Variants in LMBR1 observed in about 807,000 individuals in gnomAD.
The protein encoded by LMBR1 is limb development membrane protein 1, also known as limb region 1 protein homolog.
A neutral mutation model predicts 73.9 loss-of-function variants in LMBR1; 52 were observed. That is an observed-to-expected ratio of 0.70 (90% CI 0.56 to 0.89). LMBR1 has a LOEUF of 0.89. Among genes scored for constraint, LMBR1 ranks in the 40% least tolerant of loss-of-function variants. The pLI, the probability that LMBR1 is intolerant of heterozygous loss-of-function variation, is 0.00. For synonymous variants in LMBR1, 215 were observed against 209.4 expected (o/e 1.03, Z -0.23); for missense variants, 539 against 579.8 (o/e 0.93, Z 0.72).
chr7:156,790,562 G>T (rs1423067048), intron 5 of LMBR1, among the ~76,000 whole-genome samples: 1 of 151,902 alleles, frequency 6.6e-6, no homozygotes, highest in East Asian at 1.9e-4. Flanking sequence ...AGGCAAAGAT[G>T]AACATACTAT....
At chr7:156,771,883 C>T (rs1287364356) in intron 5 of LMBR1, among the ~76,000 whole-genome samples, 1 of 152,176 alleles carries the variant, frequency 6.6e-6, no homozygotes, top group African/African-American at 2.4e-5. Context: ...AAAGCTAATC[C>T]ACCATGATCA....
chr7:156,713,985 T>G (rs1812653978), intron 15 of LMBR1, among the ~76,000 whole-genome samples: 1 of 152,250 alleles, frequency 6.6e-6, no homozygotes, highest in African/African-American at 2.4e-5. Flanking sequence ...CTACAGAAGC[T>G]ACAAAGTAAG....
At chr7:156,811,340 G>A (rs1455808654) in intron 4 of LMBR1, among the ~76,000 whole-genome samples, 4 of 151,800 alleles carry the variant, frequency 2.6e-5, no homozygotes, top group Admixed American at 6.6e-5. Context: ...GGCCAGGCGC[G>A]GTGGCTCACG....
chr7:156,727,942 T>G lies in LMBR1; in HGVS notation c.981A>C (p.Pro327=). ...GATTTTACTTTACCCTTGTTCCTTTTGGCATTGCTGTTTCATCAACCAATA... is the reference window on the plus strand; with the variant it reads ...GATTTTACTTTACCCTTGTTCCTTTGGGCATTGCTGTTTCATCAACCAATA... ...LCLLVDETAM[P]KGTRGPGIGN... Residue 327 remains proline, a synonymous_variant, in exon 12 of 17, where the codon CCA becomes CCC. Coordinates refer to ENST00000353442, the MANE Select transcript of LMBR1 (RefSeq NM_022458.4). 1 of 1,612,804 alleles carries G rather than the reference T, an allele frequency of 6.2e-7. No homozygotes were observed. Among genetic ancestry groups the G allele is most frequent in the Non-Finnish European group, 8.5e-7 (1 of 1,179,100 alleles).
chr7:156,684,216 G>A, intron 16 of LMBR1, 53 bp from the exon 17 acceptor site: 1 of 1,386,248 alleles, frequency 7.2e-7, no homozygotes, highest in Non-Finnish European at 1.0e-6. Flanking sequence ...GAGTGGCTGG[G>A]AAAGGGTTAG....
chr7:156,798,078 C>T (rs906867730), intron 4 of LMBR1, among the ~76,000 whole-genome samples: 1 of 152,122 alleles, frequency 6.6e-6, no homozygotes, highest in African/African-American at 2.4e-5. Flanking sequence ...AGAACGATGG[C>T]TGCATGCACA....
At chr7:156,819,361 G>C (rs771901085) in intron 4 of LMBR1, among the ~76,000 whole-genome samples, 26 of 152,176 alleles carry the variant, frequency 1.7e-4, no homozygotes, top group African/African-American at 6.0e-4. Flanking sequence ...ACACATTAAA[G>C]GCACAATCAA....
intron 16 of LMBR1, among the ~76,000 whole-genome samples, chr7:156,687,411 T>A (rs769694336): frequency 1.3e-5 from 2 of 152,204 alleles, no homozygotes; most frequent in African/African-American, 4.8e-5. Context: ...TTAGCACTAA[T>A]GTGGAAATAA....
At chr7:156,750,967 G>A (rs189914705) in intron 9 of LMBR1, among the ~76,000 whole-genome samples, 40 of 152,126 alleles carry the variant, frequency 2.6e-4, no homozygotes, top group African/African-American at 8.4e-4. Context: ...AAAATTAGCC[G>A]GGTATGGTGG....
chr7:156,768,207 T>C lies in LMBR1; in HGVS notation c.424-4412A>G, dbSNP rs112830926. On this transcript the variant is annotated intron_variant, in intron 5 of 16. Coordinates refer to ENST00000353442, the MANE Select transcript of LMBR1 (RefSeq NM_022458.4). ...TCAAGACCAGCATGGTGAAAGCCCG[T>C]CTCTACTAAAAACACAAAGATTAGC... is the stretch of plus-strand genomic sequence containing the variant. 7.5e-3 allele frequency among the ~76,000 whole-genome samples: 1,139 copies of C among 151,972 alleles called. 14 individuals are homozygous for C. Among genetic ancestry groups the C allele is most frequent in the African/African-American group, 0.026 (1,071 of 41,438 alleles).
At chr7:156,752,611 A>T (rs1221503751) in intron 9 of LMBR1, among the ~76,000 whole-genome samples, 1 of 152,190 alleles carries the variant, frequency 6.6e-6, no homozygotes, top group Non-Finnish European at 1.5e-5. Context: ...TGAAGGAAAA[A>T]GCTTGTGAAA....
chr7:156,733,968 C>T (rs1398818314), intron 10 of LMBR1: 1 of 376,464 alleles, frequency 2.7e-6, no homozygotes, highest in East Asian at 4.2e-5. Flanking sequence ...TTTGAAAAGT[C>T]ATTTTGTATA....
intron 1 of LMBR1, among the ~76,000 whole-genome samples, chr7:156,839,462 G>A (rs544281379): frequency 1.3e-5 from 2 of 152,280 alleles, no homozygotes; most frequent in East Asian, 3.9e-4. Flanking sequence ...TACAGTCAAA[G>A]ACTGTGTGCT....
Position 156,682,588 on chromosome 7 carries a change from A to C in LMBR1, c.*1490T>G, listed in dbSNP as rs778583964. 1 of 152,232 alleles carries C rather than the reference A, an allele frequency of 6.6e-6. No homozygotes were observed. The highest frequency in any genetic ancestry group is 1.5e-5 in the Non-Finnish European group (1 of 68,038). 9.4% of individuals were successfully genotyped at this position (152,232 alleles called of 1,614,324 possible). A position where few individuals can be genotyped will look rare whatever the true frequency, so the allele number is the denominator to read the frequency against. On this transcript the variant is annotated 3_prime_UTR_variant, in exon 17 of 17. Coordinates refer to ENST00000353442, the MANE Select transcript of LMBR1 (RefSeq NM_022458.4). ...CAAGCTGCATTTTAGAAAGATGTGA[A>C]GCTCGGAAGGAAATGCAGACGTATA...
chr7:156,764,193 G>C (rs769262197), intron 5 of LMBR1, among the ~76,000 whole-genome samples: 38 of 152,270 alleles, frequency 2.5e-4, no homozygotes, highest in Non-Finnish European at 2.8e-4. Flanking sequence ...AATGCTCCGA[G>C]CTGCTGGAGA....
At chr7:156,762,846 A>AGTGTGTGTGTGTGT (rs35976164) in intron 7 of LMBR1, among the ~76,000 whole-genome samples, 2,365 of 148,594 alleles carry the variant, frequency 0.016, 35 homozygotes, top group Non-Finnish European at 0.021. Flanking sequence ...TGTGAGTGTG[A>AGTGTGTGTGTGTGT]GTGTGTGTGT....
chr7:156,683,961 A>G lies in LMBR1; in HGVS notation c.*117T>C, dbSNP rs1253981319. ...ATTATGAAAAAAAAATGGCACTGAT[A>G]GGTCTAGGTTCTGAAGAGGGGCCAC... On this transcript the variant is annotated 3_prime_UTR_variant, in exon 17 of 17. Transcript: ENST00000353442. 12 of 757,686 alleles carry G rather than the reference A, an allele frequency of 1.6e-5. No homozygotes were observed. Among genetic ancestry groups the G allele is most frequent in the African/African-American group, 1.8e-5 (1 of 56,988 alleles). 46.9% of individuals were successfully genotyped at this position (757,686 alleles called of 1,614,324 possible).
chr7:156,697,595 G>T (rs1035951182), intron 15 of LMBR1, among the ~76,000 whole-genome samples: 4 of 152,162 alleles, frequency 2.6e-5, no homozygotes, highest in African/African-American at 9.7e-5. Flanking sequence ...TCTAGGAAAT[G>T]AATTTAGCGA....
At chr7:156,687,539 T>C (rs546091356) in intron 16 of LMBR1, among the ~76,000 whole-genome samples, 8 of 152,352 alleles carry the variant, frequency 5.3e-5, no homozygotes, top group African/African-American at 1.7e-4. Flanking sequence ...CTCTCTTCTA[T>C]TACATCAATG....
Sources: allele counts gnomAD v4.1 joint callset (sites outside exome capture counted in the v4.1 genomes callset), GRCh38; gene constraint gnomAD v4.1.1; transcripts MANE v1.5; gene names NCBI Gene and HGNC (gene_info 2026-07-23, HGNC 2026-07-21).